The following TCF12 variants were observed in gnomAD, a reference collection of about 807,000 sequenced individuals.
TCF12 encodes the protein transcription factor 12.
Under a neutral mutation model 86.0 loss-of-function variants are expected in TCF12, and 45 were observed. The ratio of observed to expected loss-of-function variants is 0.52; its 90% CI spans 0.41 to 0.67. The LOEUF is 0.67. Ranked by LOEUF, TCF12 falls within the 30% of genes least tolerant of loss-of-function variation. The pLI is 0.00. For synonymous variants in TCF12, 330 were observed against 299.6 expected (o/e 1.10, Z -1.05); for missense variants, 881 against 859.9 (o/e 1.02, Z -0.31).
intron 4 of TCF12, among the ~76,000 whole-genome samples, chr15:57,091,250 A>G (rs1389651454): frequency 6.6e-6 from 1 of 152,162 alleles, no homozygotes; most frequent in Non-Finnish European, 1.5e-5. Flanking sequence ...GAAAGGATTC[A>G]TTTCTAGCAT....
rs563987456 is a variant in TCF12 at position 57,069,014 on chromosome 15, C to T, written c.222+5191C>T. 2.6e-3 allele frequency among the ~76,000 whole-genome samples: 391 copies of T among 152,122 alleles called. 1 individual carries two copies. Among genetic ancestry groups the T allele is most frequent in the African/African-American group, 9.1e-3 (377 of 41,502 alleles). ...TGTACAAATTCTGTTTCTAGAATGT[C>T]GAGTTATATGAGTTTGTGGAAATGT... On this transcript the variant is annotated intron_variant, in intron 4 of 20. Transcript: ENST00000333725.
intron 8 of TCF12, among the ~76,000 whole-genome samples, chr15:57,212,546 A>G (rs2058155340): frequency 6.6e-6 from 1 of 152,124 alleles, no homozygotes. Flanking sequence ...CCAAAGTGGT[A>G]GTATTACAGG....
Position 57,086,459 on chromosome 15 carries a change from C to T in TCF12, c.223-5330C>T, listed in dbSNP as rs1449817914. Among the ~76,000 whole-genome samples, 3 of 151,704 alleles carry T rather than the reference C, an allele frequency of 2.0e-5. No homozygotes were observed. In the East Asian group the frequency reaches 5.8e-4, roughly 29 times the overall value. ...ACCAAAGATGGAATTACCTGCCAGT[C>T]TGGCTCCAAAAATTTCATGTTTATC... On this transcript the variant is annotated intron_variant, in intron 4 of 20. Coordinates refer to ENST00000333725, the MANE Select transcript of TCF12 (RefSeq NM_207037.2).
At chr15:57,182,658 A>G (rs554727728) in intron 6 of TCF12, among the ~76,000 whole-genome samples, 1 of 152,278 alleles carries the variant, frequency 6.6e-6, no homozygotes, top group African/African-American at 2.4e-5. Context: ...TTTGGCATTA[A>G]TATTCACTGT....
chr15:57,115,062 A>T (rs1174148264), intron 5 of TCF12, among the ~76,000 whole-genome samples: 2 of 152,202 alleles, frequency 1.3e-5, no homozygotes, highest in African/African-American at 2.4e-5. Flanking sequence ...GTTTAGGCTG[A>T]CAGTACTTTG....
intron 8 of TCF12, among the ~76,000 whole-genome samples, chr15:57,214,773 A>G (rs544144934): frequency 3.9e-5 from 6 of 152,290 alleles, no homozygotes; most frequent in Admixed American, 1.3e-4. Flanking sequence ...GGTAATCACA[A>G]TTGAGGCTTA....
chr15:56,942,651 C>CAT (rs10653900), intron 3 of TCF12, among the ~76,000 whole-genome samples: 152,154 of 152,348 alleles, frequency 1, 75,983 homozygotes, highest in East Asian at 1. Context: ...GTATGTGTAA[C>CAT]AGAACTATTT....
chr15:57,278,312 T>A (rs1244611308), intron 19 of TCF12, among the ~76,000 whole-genome samples: 2 of 152,074 alleles, frequency 1.3e-5, no homozygotes, highest in African/African-American at 4.8e-5. Context: ...GAAAATTGAA[T>A]ACTATTAGCT....
chr15:57,161,632 G>A (rs576216473), intron 5 of TCF12, among the ~76,000 whole-genome samples: 1 of 152,202 alleles, frequency 6.6e-6, no homozygotes, highest in South Asian at 2.1e-4. Flanking sequence ...GAGAATCCCA[G>A]GACAGAAGGA....
At chr15:57,044,529 A>G (rs2067103941) in intron 3 of TCF12, among the ~76,000 whole-genome samples, 1 of 151,780 alleles carries the variant, frequency 6.6e-6, no homozygotes, top group Non-Finnish European at 1.5e-5. Context: ...TGAATGAATC[A>G]TCATGCTCAG....
chr15:57,251,284 T>C, intron 13 of TCF12, 66 bp from the exon 14 acceptor site: 2 of 1,372,278 alleles, frequency 1.5e-6, no homozygotes, highest in Non-Finnish European at 1.0e-6. Context: ...CTTTACCCTT[T>C]CCTTCACAAC....
chr15:57,222,017 A>G (rs2733312), intron 8 of TCF12, among the ~76,000 whole-genome samples: 1,890 of 152,172 alleles, frequency 0.012, 42 homozygotes, highest in African/African-American at 0.043. Context: ...GAAGTTTAAT[A>G]TACTTCTTGT....
chr15:57,077,452 T>A (rs989570554), intron 4 of TCF12, among the ~76,000 whole-genome samples: 8 of 148,298 alleles, frequency 5.4e-5, no homozygotes, highest in Non-Finnish European at 1.2e-4. Flanking sequence ...TCTGTTAGTA[T>A]TTTTAGATAG....
At chr15:57,167,380 G>T (rs1457324657) in intron 6 of TCF12, among the ~76,000 whole-genome samples, 1 of 152,130 alleles carries the variant, frequency 6.6e-6, no homozygotes, top group Admixed American at 6.6e-5. Context: ...GGGCAACATA[G>T]TGAGACCTTG....
At chr15:57,000,519 G>T (rs2063964877) in intron 3 of TCF12, among the ~76,000 whole-genome samples, 1 of 152,150 alleles carries the variant, frequency 6.6e-6, no homozygotes, top group South Asian at 2.1e-4. Context: ...TTGTAGCATT[G>T]AATGTAGAAA....
intron 5 of TCF12, among the ~76,000 whole-genome samples, chr15:57,120,068 G>T (rs2051120728): frequency 6.6e-6 from 1 of 152,148 alleles, no homozygotes; most frequent in African/African-American, 2.4e-5. Context: ...TAACTGAAAT[G>T]CCCTTCATAC....
chr15:57,079,983 C>G (rs1265947729), intron 4 of TCF12, among the ~76,000 whole-genome samples: 1 of 152,112 alleles, frequency 6.6e-6, no homozygotes, highest in East Asian at 1.9e-4. Flanking sequence ...AAAACGCTTT[C>G]TCAAATTAAA....
intron 5 of TCF12, among the ~76,000 whole-genome samples, chr15:57,147,725 C>T (rs1354867643): frequency 2.0e-5 from 3 of 151,690 alleles, no homozygotes; most frequent in Non-Finnish European, 4.4e-5. Context: ...TAGCAAAATA[C>T]AAATATGGAA....
upstream of TCF12, chr15:56,918,234 C>A (rs1365003917): frequency 2.2e-6 from 1 of 456,154 alleles, no homozygotes; most frequent in Non-Finnish European, 4.4e-6. Context: ...CAGTGTCCTG[C>A]GGCCTCGGGT....
Sources: gnomAD v4.1 joint callset for allele counts (sites outside exome capture counted in the v4.1 genomes callset) on GRCh38, gnomAD v4.1.1 for gene constraint, MANE v1.5 for transcripts, NCBI Gene and HGNC (gene_info 2026-07-23, HGNC 2026-07-21) for gene names.